Variants in CELSR1 observed in about 807,000 individuals in gnomAD.
CELSR1 encodes cadherin EGF LAG seven-pass G-type receptor 1, also known as adhesion G protein-coupled receptor C1.
In CELSR1, 110 loss-of-function variants were observed where a neutral mutation model predicts 249.1. That is an observed-to-expected ratio of 0.44 (90% CI 0.38 to 0.52). The LOEUF is 0.52. Ranked by LOEUF, CELSR1 falls within the 20% of genes least tolerant of loss-of-function variation. CELSR1 has a pLI of 0.00. For missense variants in CELSR1, 4,109 were observed against 4,296.4 expected, an observed-to-expected ratio of 0.96 and a Z score of 1.22; for synonymous variants, 2,113 against 1,900.0, an observed-to-expected ratio of 1.11 and a Z score of -2.92.
At chr22:46,387,495 C>T (rs1241520137) in intron 18 of CELSR1, among the ~76,000 whole-genome samples, 1 of 145,434 alleles carries the variant, frequency 6.9e-6, no homozygotes, top group African/African-American at 2.8e-5. Flanking sequence ...ATTCTCGTGC[C>T]TCAGCCTCCC....
Position 46,377,161 on chromosome 22 carries a change from A to G in CELSR1, c.7484T>C (p.Met2495Thr), listed in dbSNP as rs965517588. The G allele has an allele frequency of 1.9e-5, 31 of 1,613,752 alleles. No individual in the cohort carries two copies. Among genetic ancestry groups the G allele is most frequent in the Non-Finnish European group, 2.5e-5 (30 of 1,180,016 alleles). Residue 2495 changes from methionine (M) to threonine (T), a missense_variant, in exon 24 of 35, where the codon ATG (methionine) becomes ACG (threonine). By Grantham distance (81) the Met-to-Thr change is moderately conservative. This residue lies in a region of CELSR1 where 1,805 missense variants were observed against 1,831.6 expected (regional missense o/e 0.99). Coordinates refer to ENST00000674500, the MANE Select transcript of CELSR1 (RefSeq NM_001378328.1). ...AATGCTGTGCAGGTTGGAGCGCAGCATGCGGACCAGGCTCAGGAGGACGAA... is the reference window on the plus strand; with the variant it reads ...AATGCTGTGCAGGTTGGAGCGCAGCGTGCGGACCAGGCTCAGGAGGACGAA... ...VAFVLLSLVR[M>T]LRSNLHSIHK... is the part of the protein sequence containing the mutation.
intron 29 of CELSR1, 41 bp from the exon 30 acceptor site, chr22:46,366,521 C>A (rs1318833828): frequency 6.9e-7 from 1 of 1,439,672 alleles, no homozygotes; most frequent in Non-Finnish European, 9.6e-7. Flanking sequence ...AAGTGGTGGC[C>A]ACCACATGAC....
rs374978621 is a variant in CELSR1, at chr22:46,367,153, T to G, written c.8080-35A>C. ...GGAAGGTGGGGTCAGCACCTGCTGC[T>G]GCCTCCCTAGGCACCTGCCCTTAGG... On this transcript the variant is annotated intron_variant, in intron 28 of 34. Coordinates refer to ENST00000674500, the MANE Select transcript of CELSR1 (RefSeq NM_001378328.1). The G allele has an allele frequency of 3.8e-5, 61 of 1,601,218 alleles. No individual in the cohort carries two copies. The African/African-American group carries it at 7.2e-4, about 19-fold the overall frequency.
In CELSR1 at chr22:46,534,475, C is replaced by A. The variant is rs773051012; in HGVS notation, c.2696G>T (p.Gly899Val). Residue 899 changes from glycine (G) to valine (V), a missense_variant, in exon 1 of 35, where the codon GGT (glycine) becomes GTT (valine). Gly to Val is a moderately radical substitution (Grantham distance 109). This residue lies in a region of CELSR1 where 886 missense variants were observed against 896.5 expected (regional missense o/e 0.99). Coordinates refer to ENST00000674500, the MANE Select transcript of CELSR1 (RefSeq NM_001378328.1). This position sits in a 1 kb window ranked among gnomAD's most constrained non-coding sequence, Gnocchi z 9.7. Reference protein sequence around the residue: ...APQFLWDFYQGSIFEDAPPST... With the variant: ...APQFLWDFYQVSIFEDAPPST... Reference sequence around the variant, plus strand: ...GGGTGGAGCATCCTCAAAGATGGAACCCTGGTAGAAATCCCACAGGAACTG... The same window carrying A: ...GGGTGGAGCATCCTCAAAGATGGAAACCTGGTAGAAATCCCACAGGAACTG... 1.9e-6 allele frequency: 3 copies of A among 1,613,174 alleles called. No individual in the cohort carries two copies. Among genetic ancestry groups the A allele is most frequent in the Non-Finnish European group, 2.5e-6 (3 of 1,180,020 alleles).
chr22:46,443,807 T>C (rs1207028821), intron 2 of CELSR1, among the ~76,000 whole-genome samples: 1 of 152,268 alleles, frequency 6.6e-6, no homozygotes, highest in Non-Finnish European at 1.5e-5. Context: ...GTAAATCCCG[T>C]GCGTTCACGG....
Position 46,397,723 on chromosome 22 carries a change from A to G in CELSR1, c.5652T>C (p.Asn1884=). Residue 1884 remains asparagine, a synonymous_variant, in exon 12 of 35, where the codon AAT becomes AAC. Coordinates refer to ENST00000674500, the MANE Select transcript of CELSR1 (RefSeq NM_001378328.1). ...CCTCCCAGGCGTCGTGGCAGCGGCTATTGGGGGGACAGGGGCTCGAGGTAC... is the reference window on the plus strand; with the variant it reads ...CCTCCCAGGCGTCGTGGCAGCGGCTGTTGGGGGGACAGGGGCTCGAGGTAC... ...DPCTSSPCPP[N]SRCHDAWEDY... is the part of the protein sequence containing the mutation. 2.5e-6 allele frequency: 4 copies of G among 1,586,682 alleles called. No homozygotes were observed. The highest frequency in any genetic ancestry group is 2.3e-5 in the South Asian group (2 of 86,842).
intron 2 of CELSR1, among the ~76,000 whole-genome samples, chr22:46,457,501 C>G (rs1483803884): frequency 6.6e-6 from 1 of 152,220 alleles, no homozygotes; most frequent in Non-Finnish European, 1.5e-5. Context: ...GTGAAAGTGA[C>G]TTGTTGCCGT....
chr22:46,522,816 A>G (rs1342491012), intron 1 of CELSR1, among the ~76,000 whole-genome samples: 2 of 152,192 alleles, frequency 1.3e-5, no homozygotes, highest in African/African-American at 4.8e-5. Flanking sequence ...GGCCAGGCAG[A>G]CCCAGCGTCA....
In CELSR1 at chr22:46,440,170, T is replaced by C. The variant is rs1322686923; in HGVS notation, c.4184-759A>G. Among the ~76,000 whole-genome samples, 1 of 151,692 alleles carries C rather than the reference T, an allele frequency of 6.6e-6. No individual in the cohort carries two copies. The highest frequency in any genetic ancestry group is 1.5e-5 in the Non-Finnish European group (1 of 67,936). Reference sequence around the variant, plus strand: ...TCTCCATCCGCCCTCAGACCAGGAGTGCTAAGAACCTCATCTGCTCGGAGG... The same window carrying C: ...TCTCCATCCGCCCTCAGACCAGGAGCGCTAAGAACCTCATCTGCTCGGAGG... On this transcript the variant is annotated intron_variant, in intron 2 of 34. Coordinates refer to ENST00000674500, the MANE Select transcript of CELSR1 (RefSeq NM_001378328.1). The surrounding 1 kb of genome is among the most constrained non-coding windows in gnomAD (Gnocchi z 4.7).
Position 46,535,091 on chromosome 22 carries a change from G to C in CELSR1, c.2080C>G (p.Leu694Val). Residue 694 changes from leucine (L) to valine (V), a missense_variant, in exon 1 of 35, where the codon CTT (leucine) becomes GTT (valine). Leu to Val is a conservative substitution (Grantham distance 32). This residue lies in a region of CELSR1 where 886 missense variants were observed against 896.5 expected (regional missense o/e 0.99). Transcript: ENST00000674500. The part of the protein sequence containing the change: ...DPVFTQPTYE[L>V]RLNEDAAVGS... Reference sequence around the variant, plus strand: ...ACGGCCGCATCCTCATTCAGACGAAGCTCGTAGGTGGGCTGCGTGAACACC... The same window carrying C: ...ACGGCCGCATCCTCATTCAGACGAACCTCGTAGGTGGGCTGCGTGAACACC... The C allele has an allele frequency of 6.2e-7, 1 of 1,612,208 alleles. No homozygotes were observed. Among genetic ancestry groups the C allele is most frequent in the Non-Finnish European group, 8.5e-7 (1 of 1,179,952 alleles).
Position 46,391,891 on chromosome 22 carries a change from C to T in CELSR1, c.5965-75G>A, listed in dbSNP as rs7292985. On this transcript the variant is annotated intron_variant, in intron 14 of 34. Transcript: ENST00000674500. This position sits in a 1 kb window ranked among gnomAD's most constrained non-coding sequence, Gnocchi z 4.3. ...CCTACCTTGCAGCGTGTTTCCCGAGCGACGTCCAGACTCCCACCCGGGTGT... is the reference window on the plus strand; with the variant it reads ...CCTACCTTGCAGCGTGTTTCCCGAGTGACGTCCAGACTCCCACCCGGGTGT... 13,886 of 1,475,082 alleles carry T rather than the reference C, an allele frequency of 9.4e-3. 392 individuals are homozygous for T. The African/African-American group carries it at 0.1, about 11-fold the overall frequency. 91.4% of individuals were successfully genotyped at this position (1,475,082 alleles called of 1,614,324 possible).
At position 46,423,255 on chromosome 22, in the gene CELSR1, T is replaced by C. The variant is rs544484138; in HGVS notation, c.4611+10138A>G. Among the ~76,000 whole-genome samples, 11 of 152,324 alleles carry C rather than the reference T, an allele frequency of 7.2e-5. No individual in the cohort carries two copies. Among genetic ancestry groups the C allele is most frequent in the Admixed American group, 2.0e-4 (3 of 15,298 alleles). ...TTCACACAGCCCTGGCTGAATCGCA[T>C]AGACCAGAAGAACCAGCAGCCAAAC... On this transcript the variant is annotated intron_variant, in intron 5 of 34. Transcript: ENST00000674500. This position sits in a 1 kb window ranked among gnomAD's most constrained non-coding sequence, Gnocchi z 5.6.
intron 1 of CELSR1, among the ~76,000 whole-genome samples, chr22:46,531,121 A>C (rs1363861194): frequency 6.6e-6 from 1 of 152,216 alleles, no homozygotes; most frequent in African/African-American, 2.4e-5. Flanking sequence ...TCTTATAGTC[A>C]ATAGTGATTT....
intron 5 of CELSR1, among the ~76,000 whole-genome samples, chr22:46,418,178 A>T (rs142548973): frequency 1.1e-3 from 160 of 152,368 alleles, no homozygotes; most frequent in African/African-American, 3.2e-3. Context: ...ACTTCCCTAT[A>T]TTAAAATAAC....
In CELSR1 at chr22:46,413,587, A is replaced by C. The variant is rs1374393307; in HGVS notation, c.4612-1828T>G. ...GTTTCCCACACGCCCTTGTCTGTAAATCCAAGGGAGGCTTCTACCATGACC... is the reference window on the plus strand; with the variant it reads ...GTTTCCCACACGCCCTTGTCTGTAACTCCAAGGGAGGCTTCTACCATGACC... On this transcript the variant is annotated intron_variant, in intron 5 of 34. Transcript: ENST00000674500. This position sits in a 1 kb window ranked among gnomAD's most constrained non-coding sequence, Gnocchi z 4.7. Among the ~76,000 whole-genome samples, 3 of 152,208 alleles carry C rather than the reference A, an allele frequency of 2.0e-5. No individual in the cohort carries two copies. Among genetic ancestry groups the C allele is most frequent in the Non-Finnish European group, 2.9e-5 (2 of 68,038 alleles).
intron 1 of CELSR1, among the ~76,000 whole-genome samples, chr22:46,470,374 C>G (rs1022990092): frequency 6.6e-6 from 1 of 151,770 alleles, no homozygotes; most frequent in East Asian, 1.9e-4. Flanking sequence ...CTCTGACCCC[C>G]ACAAGTTGGG....
At position 46,535,350 on chromosome 22, in the gene CELSR1, C is replaced by A. The variant is rs35637956; in HGVS notation, c.1821G>T (p.Thr607=). 1 of 1,612,226 alleles carries A rather than the reference C, an allele frequency of 6.2e-7. No homozygotes were observed. The highest frequency in any genetic ancestry group is 1.3e-5 in the African/African-American group (1 of 74,936). Residue 607 remains threonine (T), a synonymous_variant, in exon 1 of 35, where the codon ACG becomes ACT. Coordinates refer to ENST00000674500, the MANE Select transcript of CELSR1 (RefSeq NM_001378328.1). ...TGCCGCCCCCCAGAAAGGTGGAGGC[C>A]GTGTCCACCAGGCGATAGTGCAGCC... ...NARLHYRLVD[T]ASTFLGGGSA...
rs1022220573 is a variant in CELSR1, at chr22:46,430,442, T to C, written c.4611+2951A>G. ...AGGCAGGGACGCGTGTGCAGGGGGG[T>C]TCCCTCGGCAGTGTCACCCACCACC... On this transcript the variant is annotated intron_variant, in intron 5 of 34. Coordinates refer to ENST00000674500, the MANE Select transcript of CELSR1 (RefSeq NM_001378328.1). This position sits in a 1 kb window ranked among gnomAD's most constrained non-coding sequence, Gnocchi z 4.6. Among the ~76,000 whole-genome samples the C allele has an allele frequency of 6.7e-6, 1 of 150,132 alleles. No individual in the cohort carries two copies. The highest frequency in any genetic ancestry group is 2.5e-5 in the African/African-American group (1 of 40,622).
At chr22:46,505,690 G>A (rs534098260) in intron 1 of CELSR1, among the ~76,000 whole-genome samples, 24 of 152,222 alleles carry the variant, frequency 1.6e-4, no homozygotes, top group Non-Finnish European at 2.9e-4. Flanking sequence ...TTGGAGGTGG[G>A]TGGGGAAACA....
Sources: allele counts gnomAD v4.1 joint callset (sites outside exome capture counted in the v4.1 genomes callset), GRCh38; gene constraint gnomAD v4.1.1; regional missense constraint gnomAD v4.1.1; non-coding constraint Gnocchi (gnomAD v3.1); transcripts MANE v1.5; gene names NCBI Gene and HGNC (gene_info 2026-07-23, HGNC 2026-07-21).